CDH4: variants seen among roughly 807,000 people sequenced by gnomAD.
The protein encoded by CDH4 is cadherin 4, also known as cadherin-4.
CDH4 carries 33 observed loss-of-function variants against 86.0 expected under a neutral mutation model. The ratio of observed to expected loss-of-function variants is 0.38; its 90% confidence interval spans 0.29 to 0.51. The LOEUF is 0.51. Ranked by LOEUF, CDH4 falls within the 20% of genes least tolerant of loss-of-function variation. The pLI, the probability that CDH4 is intolerant of heterozygous loss-of-function variation, is 0.86. For missense variants in CDH4, 1,114 were observed against 1,307.4 expected (o/e 0.85, Z 2.28); for synonymous variants, 555 against 549.4 (o/e 1.01, Z -0.14).
intron 4 of CDH4, among the ~76,000 whole-genome samples, chr20:61,834,744 C>T (rs1157895507): frequency 5.9e-5 from 9 of 152,090 alleles, no homozygotes; most frequent in Admixed American, 2.0e-4. Context: ...GCTGAAACAA[C>T]AAAGAACCCG....
chr20:61,728,744 A>G (rs2088143389), intron 2 of CDH4, among the ~76,000 whole-genome samples: 1 of 152,230 alleles, frequency 6.6e-6, no homozygotes, highest in Admixed American at 6.5e-5. Context: ...TTCAGGAAAC[A>G]CTGGTTCATG....
At chr20:61,707,623 G>A (rs559553117) in intron 2 of CDH4, among the ~76,000 whole-genome samples, 1 of 152,302 alleles carries the variant, frequency 6.6e-6, no homozygotes, top group East Asian at 1.9e-4. Context: ...TCACAACCGT[G>A]GTCCCCAAAC....
Position 61,781,799 on chromosome 20 carries a change from C to T in CDH4, c.576+8617C>T, listed in dbSNP as rs535825817. Among the ~76,000 whole-genome samples, 12 of 152,248 alleles carry T rather than the reference C, an allele frequency of 7.9e-5. No individual in the cohort carries two copies. In the East Asian group the frequency reaches 9.6e-4, roughly 12 times the overall value. On this transcript the variant is annotated intron_variant, in intron 4 of 15. Coordinates refer to ENST00000614565, the MANE Select transcript of CDH4 (RefSeq NM_001794.5). ...CCCTAGGTAGGAGAAATACAAAGAA[C>T]GCCGTTCACCGATCATAGTCAAACT...
chr20:61,764,131 G>C (rs1017743621), intron 3 of CDH4, among the ~76,000 whole-genome samples: 2 of 152,158 alleles, frequency 1.3e-5, no homozygotes, highest in Non-Finnish European at 1.5e-5. Context: ...GGGGAGCAGG[G>C]CTGCCAGGAG....
At chr20:61,908,730 C>T (rs1330367728) in intron 8 of CDH4, among the ~76,000 whole-genome samples, 2 of 152,168 alleles carry the variant, frequency 1.3e-5, no homozygotes, top group Non-Finnish European at 2.9e-5. Flanking sequence ...AGGGGCACTC[C>T]GGGAAGACTC....
intron 5 of CDH4, among the ~76,000 whole-genome samples, chr20:61,848,488 C>T (rs553776378): frequency 6.6e-6 from 1 of 152,278 alleles, no homozygotes; most frequent in East Asian, 1.9e-4. Context: ...CCTCCCACCT[C>T]AGCCTCCCAA....
At chr20:61,571,728 TC>T (rs1246666455) in intron 2 of CDH4, among the ~76,000 whole-genome samples, 2 of 150,990 alleles carry the variant, frequency 1.3e-5, no homozygotes, top group East Asian at 3.9e-4. Context: ...TCCTCCTCCC[TC>T]TCCCCTCCCC....
intron 2 of CDH4, among the ~76,000 whole-genome samples, chr20:61,669,740 C>A (rs1023332975): frequency 2.0e-5 from 3 of 152,198 alleles, no homozygotes; most frequent in Admixed American, 6.5e-5. Flanking sequence ...CTCAATCTTC[C>A]CGTACCCTCC....
chr20:61,727,323 C>T (rs553775003), intron 2 of CDH4, among the ~76,000 whole-genome samples: 13 of 152,186 alleles, frequency 8.5e-5, no homozygotes, highest in Admixed American at 1.3e-4. Flanking sequence ...TCATCACCAT[C>T]GGTGCCATCA....
chr20:61,620,248 GTAGA>G (rs1370139881), intron 2 of CDH4, among the ~76,000 whole-genome samples: 2 of 131,104 alleles, frequency 1.5e-5, no homozygotes, highest in Non-Finnish European at 3.1e-5. Flanking sequence ...ACATAGATGG[GTAGA>G]TAGATGATGG....
At chr20:61,604,903 G>C (rs1432878334) in intron 2 of CDH4, among the ~76,000 whole-genome samples, 1 of 97,870 alleles carries the variant, frequency 1.0e-5, no homozygotes, top group Non-Finnish European at 2.4e-5. Flanking sequence ...GGAAGAGAGA[G>C]GCCTGGCCTG....
At position 61,808,349 on chromosome 20, in the gene CDH4, T is replaced by C. The variant is rs564715406; in HGVS notation, c.576+35167T>C. On this transcript the variant is annotated intron_variant, in intron 4 of 15. Coordinates refer to ENST00000614565, the MANE Select transcript of CDH4 (RefSeq NM_001794.5). ...TAGCAACACCAGCTGCAAAAATAAATAAATAAATAAATAAATAAATTTAAA... is the reference window on the plus strand; with the variant it reads ...TAGCAACACCAGCTGCAAAAATAAACAAATAAATAAATAAATAAATTTAAA... 3.3e-5 allele frequency among the ~76,000 whole-genome samples: 5 copies of C among 151,840 alleles called. No individual in the cohort carries two copies. In the East Asian group the frequency reaches 9.7e-4, roughly 29 times the overall value.
chr20:61,890,078 A>G (rs867087966), intron 7 of CDH4, among the ~76,000 whole-genome samples: 3 of 123,188 alleles, frequency 2.4e-5, no homozygotes, highest in African/African-American at 7.7e-5. Context: ...GCATGGGTGG[A>G]TGGATGGATG....
intron 2 of CDH4, among the ~76,000 whole-genome samples, chr20:61,384,423 G>A (rs2145454763): frequency 6.6e-6 from 1 of 152,290 alleles, no homozygotes; most frequent in Admixed American, 6.5e-5. Flanking sequence ...GCCCTGGCAG[G>A]ATAGAGAAGG....
At chr20:61,897,896 G>A (rs890253441) in intron 8 of CDH4, among the ~76,000 whole-genome samples, 5 of 152,228 alleles carry the variant, frequency 3.3e-5, no homozygotes, top group African/African-American at 9.6e-5. Flanking sequence ...GCACCTCCCA[G>A]TCTAACACAG....
chr20:61,725,287 A>G (rs774273564), intron 2 of CDH4, among the ~76,000 whole-genome samples: 8 of 152,076 alleles, frequency 5.3e-5, no homozygotes, highest in Admixed American at 3.9e-4. Flanking sequence ...TGCCCCGCAC[A>G]CACCTCCCCG....
chr20:61,371,717 C>T (rs1414612015), intron 2 of CDH4, among the ~76,000 whole-genome samples: 4 of 152,244 alleles, frequency 2.6e-5, no homozygotes, highest in African/African-American at 4.8e-5. Flanking sequence ...ATGGGGCTCC[C>T]GTGGAGACCT....
intron 2 of CDH4, among the ~76,000 whole-genome samples, chr20:61,671,801 G>A (rs921830378): frequency 2.0e-5 from 3 of 151,240 alleles, no homozygotes; most frequent in Non-Finnish European, 4.4e-5. Flanking sequence ...ATGGATAGAT[G>A]ATGGATGGGT....
In CDH4 at chr20:61,678,876, T is replaced by C. The variant is rs944469701; in HGVS notation, c.170-64687T>C. Reference sequence around the variant, plus strand: ...ATCCAGCATGAGCTCCAACTCTCCTTGCCTCTAATTACACTGGCAGATAAG... The same window carrying C: ...ATCCAGCATGAGCTCCAACTCTCCTCGCCTCTAATTACACTGGCAGATAAG... On this transcript the variant is annotated intron_variant, in intron 2 of 15. Coordinates refer to ENST00000614565, the MANE Select transcript of CDH4 (RefSeq NM_001794.5). Among the ~76,000 whole-genome samples, 10 of 152,358 alleles carry C rather than the reference T, an allele frequency of 6.6e-5. No individual in the cohort carries two copies. The East Asian group carries it at 1.2e-3, about 18-fold the overall frequency.
Sources: gnomAD v4.1 joint callset for allele counts (sites outside exome capture counted in the v4.1 genomes callset) on GRCh38, gnomAD v4.1.1 for gene constraint, MANE v1.5 for transcripts, NCBI Gene and HGNC (gene_info 2026-07-23, HGNC 2026-07-21) for gene names.